Variants in AP5Z1 observed in about 807,000 individuals in gnomAD.
AP5Z1 encodes AP-5 complex subunit zeta-1.
A neutral mutation model predicts 83.0 loss-of-function variants in AP5Z1; 106 were observed. That is an observed-to-expected ratio of 1.28 (90% confidence interval 1.09 to 1.50). The LOEUF is 1.50. Among genes scored for constraint, AP5Z1 ranks in the 40% most tolerant of loss-of-function variants. AP5Z1 has a pLI of 0.00. For missense variants in AP5Z1, 1,565 were observed against 1,094.2 expected, an observed-to-expected ratio of 1.43 and a Z score of -6.07; for synonymous variants, 751 against 514.1, an observed-to-expected ratio of 1.46 and a Z score of -6.23.
At chr7:4,788,481 C>T (rs932546761) in intron 12 of AP5Z1, 187 bp downstream of exon 12, 3 of 716,152 alleles carry the variant, frequency 4.2e-6, no homozygotes, top group Non-Finnish European at 6.5e-6. Context: ...GGGGCGGGGC[C>T]TGGTCTCAGC....
rs572547823 is a variant in AP5Z1, at chr7:4,790,150, C to CCTCTTCAGGGTTAG, written c.1805+225_1805+238dup. ...CCGTCCTTCTTTCTGCCGAGCCTGT[C>CCTCTTCAGGGTTAG]CTCTTCAGGGTTAGCTCAGGTCCCT... On this transcript the variant is annotated intron_variant, in intron 14 of 16. Transcript: ENST00000649063. 5.7e-4 allele frequency: 851 copies of CCTCTTCAGGGTTAG among 1,494,684 alleles called. 5 individuals carry two copies. In the African/African-American group the frequency reaches 9.6e-3, roughly 17 times the overall value. 92.6% of individuals were successfully genotyped at this position (1,494,684 alleles called of 1,614,324 possible). A position where few individuals can be genotyped will look rare whatever the true frequency, so the allele number is the denominator to read the frequency against.
intron 3 of AP5Z1, among the ~76,000 whole-genome samples, chr7:4,782,075 C>G (rs574548421): frequency 6.6e-6 from 1 of 152,242 alleles, no homozygotes; most frequent in African/African-American, 2.4e-5. Context: ...TTTTTAGAAA[C>G]AGGGTCTCAC....
At chr7:4,778,917 C>T (rs1382369685) in intron 1 of AP5Z1, among the ~76,000 whole-genome samples, 1 of 145,656 alleles carries the variant, frequency 6.9e-6, no homozygotes, top group Non-Finnish European at 1.5e-5. Context: ...AGTGTAGTCC[C>T]AGCTACTTGA....
intron 3 of AP5Z1, among the ~76,000 whole-genome samples, chr7:4,782,650 C>A (rs1781412354): frequency 6.6e-6 from 1 of 152,158 alleles, no homozygotes; most frequent in African/African-American, 2.4e-5. Context: ...AGCCCCCTCA[C>A]CTCACAGACC....
rs1473525129 is a variant in AP5Z1, at chr7:4,783,776, TCTC to T, written c.601_603del (p.Ser201del). 2.6e-6 allele frequency: 4 copies of T among 1,549,762 alleles called. No individual in the cohort carries two copies. Among genetic ancestry groups the T allele is most frequent in the African/African-American group, 2.7e-5 (2 of 73,148 alleles). ...GGGCTCCCACACTCCGGCGGCTTCTTCTCCACGCCCAGGGCCCGGCAGGTGAGG... is the reference window on the plus strand; with the variant it reads ...GGGCTCCCACACTCCGGCGGCTTCTTCACGCCCAGGGCCCGGCAGGTGAGG... On this transcript the variant is annotated inframe_deletion, in exon 5 of 17. Transcript: ENST00000649063.
rs1781777208 is a variant in AP5Z1 at position 4,791,612 on chromosome 7, G to A, written c.*227G>A. On this transcript the variant is annotated 3_prime_UTR_variant, in exon 17 of 17. Coordinates refer to ENST00000649063, the MANE Select transcript of AP5Z1 (RefSeq NM_014855.3). Reference sequence around the variant, plus strand: ...CCAGGCAACACTGAGCTGAGCTGAGGGGTGCCATGGAGCGGCTCTGATTGG... The same window carrying A: ...CCAGGCAACACTGAGCTGAGCTGAGAGGTGCCATGGAGCGGCTCTGATTGG... 1.6e-6 allele frequency: 1 copy of A among 642,714 alleles called. No individual in the cohort carries two copies. The highest frequency in any genetic ancestry group is 2.8e-5 in the East Asian group (1 of 35,438). The allele number at this position is 642,714 out of a possible 1,614,324, so 39.8% of individuals were successfully genotyped here. A position where few individuals can be genotyped will look rare whatever the true frequency, so the allele number is the denominator to read the frequency against.
At chr7:4,788,990 TCA>T in intron 13 of AP5Z1, 39 bp downstream of exon 13, 3 of 1,567,758 alleles carry the variant, frequency 1.9e-6, no homozygotes, top group South Asian at 1.1e-5. Context: ...CCCACAGGCC[TCA>T]CAACTGAGGG....
At chr7:4,787,413 G>A (rs933389323) in intron 10 of AP5Z1, among the ~76,000 whole-genome samples, 7 of 152,158 alleles carry the variant, frequency 4.6e-5, no homozygotes, top group African/African-American at 1.4e-4. Context: ...TTGAGCCTGG[G>A]AGGTTGAGGT....
chr7:4,791,497 C>G lies in AP5Z1; in HGVS notation c.*112C>G, dbSNP rs891701261. On this transcript the variant is annotated 3_prime_UTR_variant, in exon 17 of 17. Transcript: ENST00000649063. ...GGCGCGGGAGTCCTGGGAGAGGAGGCAAGGCCCACGGTGGGCTTGGCACCC... is the reference window on the plus strand; with the variant it reads ...GGCGCGGGAGTCCTGGGAGAGGAGGGAAGGCCCACGGTGGGCTTGGCACCC... 2 of 1,436,842 alleles carry G rather than the reference C, an allele frequency of 1.4e-6. No individual in the cohort carries two copies. Among genetic ancestry groups the G allele is most frequent in the African/African-American group, 2.8e-5 (2 of 70,228 alleles). The allele number at this position is 1,436,842 out of a possible 1,614,324, so 89.0% of individuals were successfully genotyped here.
At position 4,789,898 on chromosome 7, in the gene AP5Z1, C is replaced by G; in HGVS notation, c.1774C>G (p.Pro592Ala). The G allele has an allele frequency of 1.3e-6, 2 of 1,550,866 alleles. No homozygotes were observed. The highest frequency in any genetic ancestry group is 2.4e-5 in the South Asian group (2 of 84,032). The change falls in exon 14 of 17, where the codon CCG (proline) becomes GCG (alanine). Residue 592 changes from proline to alanine, a missense_variant. Pro to Ala is a conservative substitution (Grantham distance 27). Coordinates refer to ENST00000649063, the MANE Select transcript of AP5Z1 (RefSeq NM_014855.3). ...LLLGRSDSLY[P>A]APGYAAGVHS... ...CCTGGGCAGGAGCGACTCGCTCTAC[C>G]CGGCCCCAGGGTACGCTGCCGGTGT...
intron 11 of AP5Z1, 107 bp from the exon 12 acceptor site, chr7:4,788,047 C>G: frequency 7.0e-7 from 1 of 1,424,396 alleles, no homozygotes; most frequent in Non-Finnish European, 9.2e-7. Flanking sequence ...TTCCTGGCAC[C>G]CGAGGTGCTG....
rs371514441 is a variant in AP5Z1, at chr7:4,790,396, GC to G, written c.1806-61del. 3.1e-6 allele frequency: 5 copies of G among 1,610,178 alleles called. No individual in the cohort carries two copies. In the African/African-American group the frequency reaches 6.7e-5, roughly 21 times the overall value. On this transcript the variant is annotated intron_variant, in intron 14 of 16. Transcript: ENST00000649063. ...CTTCCCGGGTTTCTCCAGGCCCTTG[GC>G]CTGGATGGGGATGGGGTCATAGGTC...
At chr7:4,783,632 A>C (rs1029864396) in intron 4 of AP5Z1, 57 bp from the exon 5 acceptor site, 1 of 1,517,592 alleles carries the variant, frequency 6.6e-7, no homozygotes, top group African/African-American at 1.4e-5. Flanking sequence ...GCATCCCAAC[A>C]ACCCAGGCAT....
At chr7:4,783,826 G>A in intron 5 of AP5Z1, 28 bp downstream of exon 5, 1 of 1,534,958 alleles carries the variant, frequency 6.5e-7, no homozygotes, top group Non-Finnish European at 8.8e-7. Context: ...CTGGAACCAT[G>A]GGGAACAGAG....
In AP5Z1 at chr7:4,790,900, G is replaced by A. The variant is rs767190951; in HGVS notation, c.2153+13G>A. 2.1e-5 allele frequency: 34 copies of A among 1,585,120 alleles called. No individual in the cohort carries two copies. The highest frequency in any genetic ancestry group is 1.7e-4 in the Middle Eastern group (1 of 5,854). On this transcript the variant is annotated intron_variant, in intron 16 of 16. Transcript: ENST00000649063. Reference sequence around the variant, plus strand: ...ATCTGATCCCCAGGTGCCTGGTCAGGGAGGGAGCGAAGCCTTCTGGCTCCT... The same window carrying A: ...ATCTGATCCCCAGGTGCCTGGTCAGAGAGGGAGCGAAGCCTTCTGGCTCCT...
chr7:4,778,321 G>A (rs17135113), intron 1 of AP5Z1, among the ~76,000 whole-genome samples: 1 of 152,096 alleles, frequency 6.6e-6, no homozygotes, highest in South Asian at 2.1e-4. Context: ...CAAAGATAGC[G>A]CTGCAAGCTG....
At chr7:4,784,551 C>T (rs1042330539) in intron 6 of AP5Z1, among the ~76,000 whole-genome samples, 180 bp downstream of exon 6, 23 of 152,168 alleles carry the variant, frequency 1.5e-4, no homozygotes, top group Non-Finnish European at 2.9e-4. Flanking sequence ...CCCTGGCCAG[C>T]ATCTTTGGGG....
At chr7:4,779,016 A>C (rs1227273976) in intron 1 of AP5Z1, among the ~76,000 whole-genome samples, 1 of 146,486 alleles carries the variant, frequency 6.8e-6, no homozygotes, top group Non-Finnish European at 1.5e-5. Context: ...GGGTGACAGC[A>C]TAAGACTCTA....
rs768616888 is a variant in AP5Z1, at chr7:4,791,242, C to A, written c.2281C>A (p.Pro761Thr). 2 of 1,612,674 alleles carry A rather than the reference C, an allele frequency of 1.2e-6. No homozygotes were observed. The highest frequency in any genetic ancestry group is 1.3e-5 in the African/African-American group (1 of 74,950). The change falls in exon 17 of 17, where the codon CCT (proline) becomes ACT (threonine). Residue 761 changes from proline (P) to threonine (T), a missense_variant. By Grantham distance (38) the Pro-to-Thr change is conservative (BLOSUM62 -1). Coordinates refer to ENST00000649063, the MANE Select transcript of AP5Z1 (RefSeq NM_014855.3). Reference sequence around the variant, plus strand: ...AGAGCTGCTGACCCTGCTGAAGATGCCTAGCGTGGCCCAGTTTGTGCTCAC... The same window carrying A: ...AGAGCTGCTGACCCTGCTGAAGATGACTAGCGTGGCCCAGTTTGTGCTCAC... ...ATELLTLLKMPSVAQFVLTPS... is the reference protein window; with the variant it reads ...ATELLTLLKMTSVAQFVLTPS...
Sources: gnomAD v4.1 joint callset for allele counts (sites outside exome capture counted in the v4.1 genomes callset) on GRCh38, gnomAD v4.1.1 for gene constraint, MANE v1.5 for transcripts, NCBI Gene and HGNC (gene_info 2026-07-23, HGNC 2026-07-21) for gene names.